FRMD5: variants seen among roughly 807,000 people sequenced by gnomAD.
The protein encoded by FRMD5 is FERM domain-containing protein 5.
In FRMD5, 20 loss-of-function variants were observed where a neutral mutation model predicts 69.0. That is an observed-to-expected ratio of 0.29 (90% CI 0.20 to 0.42). The LOEUF (loss-of-function observed/expected upper bound fraction) is 0.42, where lower values mean the gene tolerates loss of function less well. Among genes scored for constraint, FRMD5 ranks in the 10% least tolerant of loss-of-function variants. The pLI, the probability that FRMD5 is intolerant of heterozygous loss-of-function variation, is 1.00. For synonymous variants in FRMD5, 271 were observed against 260.1 expected, an observed-to-expected ratio of 1.04 and a Z score of -0.40; for missense variants, 595 against 708.6, an observed-to-expected ratio of 0.84 and a Z score of 1.82.
chr15:44,111,332 T>C (rs1424877648), intron 1 of FRMD5, among the ~76,000 whole-genome samples: 3 of 152,148 alleles, frequency 2.0e-5, no homozygotes, highest in Admixed American at 6.5e-5. Flanking sequence ...ACCAAGCAAA[T>C]GATCTGATGG....
At chr15:44,171,061 T>C (rs961567487) in intron 1 of FRMD5, among the ~76,000 whole-genome samples, 94 of 152,242 alleles carry the variant, frequency 6.2e-4, no homozygotes, top group African/African-American at 2.1e-3. Context: ...AAAATATCCA[T>C]AGCTTGGTGA....
intron 2 of FRMD5, among the ~76,000 whole-genome samples, chr15:43,923,602 C>G (rs146744424): frequency 1.3e-5 from 2 of 152,318 alleles, no homozygotes; most frequent in East Asian, 3.9e-4. Flanking sequence ...GGCGGGACCA[C>G]AGCAGGTTGG....
intron 1 of FRMD5, among the ~76,000 whole-genome samples, chr15:44,158,451 C>G (rs951805240): frequency 2.0e-5 from 3 of 152,102 alleles, no homozygotes; most frequent in Non-Finnish European, 4.4e-5. Context: ...ACCTCATAAC[C>G]TGACAAATAA....
At chr15:43,938,948 G>C (rs1056150291) in intron 1 of FRMD5, among the ~76,000 whole-genome samples, 1 of 151,720 alleles carries the variant, frequency 6.6e-6, no homozygotes, top group East Asian at 1.9e-4. Flanking sequence ...TGCAACCTCC[G>C]CCTCCTAGGT....
intron 1 of FRMD5, among the ~76,000 whole-genome samples, chr15:43,930,752 C>T (rs576935797): frequency 4.6e-5 from 7 of 152,336 alleles, no homozygotes; most frequent in African/African-American, 1.7e-4. Context: ...GCAGTCCTCA[C>T]TTGGGTCAGA....
chr15:43,888,261 C>A lies in FRMD5; in HGVS notation c.798G>T (p.Lys266Asn), dbSNP rs373567194. 11 of 1,611,866 alleles carry A rather than the reference C, an allele frequency of 6.8e-6. No homozygotes were observed. The highest frequency in any genetic ancestry group is 3.3e-5 in the Admixed American group (2 of 59,930). The change falls in exon 10 of 14, where the codon AAG (lysine) becomes AAT (asparagine). Residue 266 changes from lysine (K) to asparagine (N), a missense_variant. By Grantham distance (94) the Lys-to-Asn change is moderately conservative (BLOSUM62 0). Around this residue, in one of 5 missense-constraint regions of FRMD5, gnomAD observed 176 missense variants for 266.3 expected, o/e 0.66. Transcript: ENST00000417257. Reference sequence around the variant, plus strand: ...GAGCAAAATATGTAAGAATAATTTTCTTTTCCTGCAAAAAATTCCACATTG... The same window carrying A: ...GAGCAAAATATGTAAGAATAATTTTATTTTCCTGCAAAAAATTCCACATTG... ...FYLYVSQKEE[K>N]KIILTYFAPT... is the part of the protein sequence containing the mutation.
chr15:43,962,935 C>T lies in FRMD5; in HGVS notation c.103-38626G>A, dbSNP rs374455251. Among the ~76,000 whole-genome samples, 62 of 152,220 alleles carry T rather than the reference C, an allele frequency of 4.1e-4. 1 individual carries two copies. Among genetic ancestry groups the T allele is most frequent in the Non-Finnish European group, 3.2e-4 (22 of 68,024 alleles). ...ATGGATTAAAGACTTACATGTTAGA[C>T]CTAAAACCATAAAAACCCTAGAAGA... On this transcript the variant is annotated intron_variant, in intron 1 of 13. Transcript: ENST00000417257.
intron 1 of FRMD5, among the ~76,000 whole-genome samples, chr15:44,095,883 CT>C (rs2076544253): frequency 6.6e-6 from 1 of 152,152 alleles, no homozygotes; most frequent in Admixed American, 6.5e-5. Flanking sequence ...CCTTAACAGA[CT>C]CCAGGAAGGC....
intron 2 of FRMD5, among the ~76,000 whole-genome samples, chr15:43,922,222 C>T (rs934621761): frequency 6.6e-5 from 10 of 152,216 alleles, no homozygotes; most frequent in East Asian, 1.9e-4. Flanking sequence ...GGTCTGAGCT[C>T]GAGGCTGGCT....
At chr15:44,065,960 A>G (rs1329962724) in intron 1 of FRMD5, among the ~76,000 whole-genome samples, 1 of 151,710 alleles carries the variant, frequency 6.6e-6, no homozygotes, top group Non-Finnish European at 1.5e-5. Context: ...CTTTTTTTTT[A>G]CTCTTAATGT....
chr15:43,886,131 A>G (rs1244411771), intron 10 of FRMD5, among the ~76,000 whole-genome samples: 1 of 152,124 alleles, frequency 6.6e-6, no homozygotes, highest in Non-Finnish European at 1.5e-5. Flanking sequence ...CCTCGGGCAA[A>G]TTTCCTTCTC....
intron 5 of FRMD5, among the ~76,000 whole-genome samples, chr15:43,907,054 C>G (rs548621388): frequency 2.6e-5 from 4 of 152,164 alleles, no homozygotes; most frequent in African/African-American, 7.2e-5. Flanking sequence ...CTTTCCACAC[C>G]CAGGTCAGAA....
chr15:43,902,354 C>A, intron 6 of FRMD5, 92 bp from the exon 7 acceptor site: 1 of 1,044,176 alleles, frequency 9.6e-7, no homozygotes, highest in Admixed American at 1.8e-5. Context: ...TTAGGATGAG[C>A]CACACATCTC....
In FRMD5 at chr15:43,881,670, A is replaced by G. The variant is rs573454190; in HGVS notation, c.1135+2033T>C. 2.6e-5 allele frequency among the ~76,000 whole-genome samples: 4 copies of G among 152,314 alleles called. No individual in the cohort carries two copies. The East Asian group carries it at 7.7e-4, about 29-fold the overall frequency. Reference sequence around the variant, plus strand: ...TAGTCTCTTTCAAGTACTTCCGCACATATTAGCTTCCTTGCAACCAATGGG... The same window carrying G: ...TAGTCTCTTTCAAGTACTTCCGCACGTATTAGCTTCCTTGCAACCAATGGG... On this transcript the variant is annotated intron_variant, in intron 13 of 13. Transcript: ENST00000417257.
chr15:44,097,477 G>C (rs2076570329), intron 1 of FRMD5, among the ~76,000 whole-genome samples: 1 of 152,168 alleles, frequency 6.6e-6, no homozygotes. Context: ...CAAGAAGAGG[G>C]GCTCCTGTAC....
At chr15:44,001,539 C>T (rs1890211754) in intron 1 of FRMD5, among the ~76,000 whole-genome samples, 1 of 151,188 alleles carries the variant, frequency 6.6e-6, no homozygotes, top group East Asian at 1.9e-4. Context: ...GGTTTCAGGT[C>T]TTATGTTTAA....
intron 1 of FRMD5, among the ~76,000 whole-genome samples, chr15:44,075,085 G>A (rs184374207): frequency 2.1e-3 from 320 of 152,202 alleles, no homozygotes; most frequent in Non-Finnish European, 3.5e-3. Flanking sequence ...TGATTACTTG[G>A]CTCTGAATAG....
At chr15:44,142,968 C>A (rs553018127) in intron 1 of FRMD5, among the ~76,000 whole-genome samples, 1 of 151,916 alleles carries the variant, frequency 6.6e-6, no homozygotes, top group Non-Finnish European at 1.5e-5. Flanking sequence ...CGCGGGCCTG[C>A]AGTCTCAGCT....
chr15:44,171,824 C>T (rs1001743359), intron 1 of FRMD5, among the ~76,000 whole-genome samples: 4 of 152,150 alleles, frequency 2.6e-5, no homozygotes, highest in African/African-American at 7.2e-5. Flanking sequence ...AGCACAGCGG[C>T]GTGATCTAGG....
Sources: allele counts gnomAD v4.1 joint callset (sites outside exome capture counted in the v4.1 genomes callset), GRCh38; gene constraint gnomAD v4.1.1; regional missense constraint gnomAD v4.1.1; transcripts MANE v1.5; gene names NCBI Gene and HGNC (gene_info 2026-07-23, HGNC 2026-07-21).